RBM3: variants seen among roughly 807,000 people sequenced by gnomAD.
RBM3 encodes the protein RNA-binding protein 3.
A neutral mutation model predicts 12.0 loss-of-function variants in RBM3; 3 were observed. The observed-to-expected ratio is 0.25, with a 90% confidence interval of 0.11 to 0.65. The LOEUF (loss-of-function observed/expected upper bound fraction) is 0.65, where lower values mean the gene tolerates loss of function less well. Among genes scored for constraint, RBM3 ranks in the 30% least tolerant of loss-of-function variants. RBM3 has a pLI of 0.84. For synonymous variants in RBM3, 58 were observed against 45.7 expected, an observed-to-expected ratio of 1.27 and a Z score of -1.08; for missense variants, 108 against 134.5, an observed-to-expected ratio of 0.80 and a Z score of 0.97.
In RBM3 at chrX:48,577,861, C is replaced by T. The variant is rs1225657051; in HGVS notation, c.*420C>T. 7.6e-6 allele frequency: 1 copy of T among 131,732 alleles called. No homozygotes were observed. The highest frequency in any genetic ancestry group is 8.7e-5 in the Admixed American group (1 of 11,456). The allele number at this position is 131,732 out of a possible 1,213,427, so 10.9% of individuals were successfully genotyped here. On this transcript the variant is annotated 3_prime_UTR_variant, in exon 7 of 7. Transcript: ENST00000376759. ...GGTTAGGAAGCAATTTCCCAATGTA[C>T]CTATAAGAAATGTGCATCAAGCCAG... is the stretch of plus-strand genomic sequence containing the variant.
In RBM3 at chrX:48,579,683, A is replaced by C. The variant is rs2062095012; in HGVS notation, c.*2242A>C. On this transcript the variant is annotated 3_prime_UTR_variant, in exon 7 of 7. Transcript: ENST00000376759. ...CTGCTCCCTGTCTCTCAGGATGGCA[A>C]TGTACCTCTCACCCCCAGTGTCAGC... 8.9e-6 allele frequency: 1 copy of C among 111,846 alleles called. No homozygotes were observed. The highest frequency in any genetic ancestry group is 3.3e-5 in the African/African-American group (1 of 30,764). The allele number at this position is 111,846 out of a possible 1,213,427, so 9.2% of individuals were successfully genotyped here. A position where few individuals can be genotyped will look rare whatever the true frequency, so the allele number is the denominator to read the frequency against.
In RBM3 at chrX:48,580,662, G is replaced by A. The variant is rs1378228503; in HGVS notation, c.*3221G>A. ...ACCCGCCTCGGCCTCCCAAAGTGCT[G>A]GGATTACAGGCGTGAGCCACCACAC... On this transcript the variant is annotated 3_prime_UTR_variant, in exon 7 of 7. Coordinates refer to ENST00000376759, the MANE Select transcript of RBM3 (RefSeq NM_006743.5). 1 of 112,234 alleles carries A rather than the reference G, an allele frequency of 8.9e-6. No homozygotes were observed. Among genetic ancestry groups the A allele is most frequent in the Non-Finnish European group, 1.9e-5 (1 of 53,388 alleles). 9.2% of individuals were successfully genotyped at this position (112,234 alleles called of 1,213,427 possible).
chrX:48,575,233 A>G lies in RBM3; in HGVS notation c.53A>G (p.Asp18Gly). 2 of 1,210,190 alleles carry G rather than the reference A, an allele frequency of 1.7e-6. No homozygotes were observed. Among genetic ancestry groups the G allele is most frequent in the Non-Finnish European group, 2.2e-6 (2 of 894,951 alleles). The change falls in exon 2 of 7, where the codon GAC (aspartate) becomes GGC (glycine). Residue 18 changes from aspartate to glycine, a missense_variant. Physicochemically the swap from Asp to Gly is moderately conservative, Grantham distance 94 (BLOSUM62 -1). This residue lies in a region of RBM3 where 43 missense variants were observed against 79.6 expected (regional missense o/e 0.54). Coordinates refer to ENST00000376759, the MANE Select transcript of RBM3 (RefSeq NM_006743.5). ...GTGGGAGGGCTCAACTTTAACACCG[A>G]CGAGCAGGCACTGGAAGACCACTTC... ...LFVGGLNFNT[D>G]EQALEDHFSS...
At chrX:48,574,695 GGGAC>G (rs1210853210) in intron 1 of RBM3, 122 bp downstream of exon 1, 1 of 330,083 alleles carries the variant, frequency 3.0e-6, no homozygotes, top group Non-Finnish European at 5.9e-6. Context: ...GGCTTTCTCT[GGGAC>G]GGGCGGGTCC....
chrX:48,577,409 ATGTTGTCAGC>A (rs782368149), intron 6 of RBM3, 46 bp from the exon 7 acceptor site: 2 of 886,376 alleles, frequency 2.3e-6, no homozygotes, highest in African/African-American at 4.0e-5. Flanking sequence ...GGAGGTGAGC[ATGTTGTCAGC>A]TGTTACTTCA....
chrX:48,577,566 A>T lies in RBM3; in HGVS notation c.*125A>T. On this transcript the variant is annotated 3_prime_UTR_variant, in exon 7 of 7. Transcript: ENST00000376759. ...GAAGCATCTTATTTTATAGTATATC[A>T]ACCTTTTGTTTTTAAATTGACCTGC... The T allele has an allele frequency of 1.2e-6, 1 of 831,825 alleles. No homozygotes were observed. The highest frequency in any genetic ancestry group is 2.3e-5 in the South Asian group (1 of 42,868). The allele number at this position is 831,825 out of a possible 1,213,427, so 68.6% of individuals were successfully genotyped here. A position where few individuals can be genotyped will look rare whatever the true frequency, so the allele number is the denominator to read the frequency against.
rs1218540169 is a variant in RBM3, at chrX:48,577,701, A to G, written c.*260A>G. 4.8e-6 allele frequency: 1 copy of G among 210,392 alleles called. No individual in the cohort carries two copies. Among genetic ancestry groups the G allele is most frequent in the East Asian group, 1.6e-4 (1 of 6,347 alleles). 17.3% of individuals were successfully genotyped at this position (210,392 alleles called of 1,213,427 possible). ...GTAGAACCTGAGTATTTTTCTTTTT[A>G]CCAGTTTTTTAGTTTGAGCTCTTAG... On this transcript the variant is annotated 3_prime_UTR_variant, in exon 7 of 7. Transcript: ENST00000376759.
At position 48,580,465 on chromosome X, in the gene RBM3, C is replaced by T. The variant is rs573712628; in HGVS notation, c.*3024C>T. The stretch of plus-strand genomic sequence containing the variant: ...AGGCTGGAGTGCAGTGGCACAATCT[C>T]GGCTCACTGTACCCTCCGCCTCCCA... On this transcript the variant is annotated 3_prime_UTR_variant, in exon 7 of 7. Coordinates refer to ENST00000376759, the MANE Select transcript of RBM3 (RefSeq NM_006743.5). Among the ~76,000 whole-genome samples the T allele has an allele frequency of 5.7e-4, 64 of 111,454 alleles. No homozygotes were observed. The highest frequency in any genetic ancestry group is 1.8e-3 in the African/African-American group (54 of 30,693).
rs1556988945 is a variant in RBM3, at chrX:48,575,163, C to G, written c.-13-5C>G. ...CTGCCACCATTCTTCATGTTCTTCC[C>G]ACAGGACTTGAACTGCCATGTCCTC... On this transcript the variant is annotated splice_polypyrimidine_tract_variant and splice_region_variant and intron_variant, in intron 1 of 6. Coordinates refer to ENST00000376759, the MANE Select transcript of RBM3 (RefSeq NM_006743.5). The G allele has an allele frequency of 8.5e-7, 1 of 1,169,595 alleles. No individual in the cohort carries two copies. Among genetic ancestry groups the G allele is most frequent in the Non-Finnish European group, 1.2e-6 (1 of 861,005 alleles).
At position 48,576,340 on chromosome X, in the gene RBM3, G is replaced by GCA; in HGVS notation, c.237_238insCA (p.Asp80GlnfsTer119). 8.3e-7 allele frequency: 1 copy of GCA among 1,210,526 alleles called. No individual in the cohort carries two copies. Among genetic ancestry groups the GCA allele is most frequent in the Non-Finnish European group, 1.1e-6 (1 of 895,075 alleles). Reference sequence around the variant, plus strand: ...CTCTGGATGGTCGTCAGATCCGTGTGGATCATGCAGGCAAGTCTGCTCGGG... The same window carrying GCA: ...CTCTGGATGGTCGTCAGATCCGTGTGCAGATCATGCAGGCAAGTCTGCTCGGG... On this transcript the variant is annotated frameshift_variant, in exon 4 of 7. Transcript: ENST00000376759. LOFTEE classifies it high-confidence loss of function.
rs1333374046 is a variant in RBM3 at position 48,580,558 on chromosome X, G to A, written c.*3117G>A. Among the ~76,000 whole-genome samples the A allele has an allele frequency of 3.6e-5, 4 of 111,153 alleles. No individual in the cohort carries two copies. The highest frequency in any genetic ancestry group is 7.5e-5 in the Non-Finnish European group (4 of 53,040). The stretch of plus-strand genomic sequence containing the variant: ...ATTACAGGTGCCTGCCACCACGCCC[G>A]GCTAATTTTTGTATTAATAGAGACA... On this transcript the variant is annotated 3_prime_UTR_variant, in exon 7 of 7. Coordinates refer to ENST00000376759, the MANE Select transcript of RBM3 (RefSeq NM_006743.5).
rs2062089754 is a variant in RBM3, at chrX:48,578,257, C to T, written c.*816C>T. On this transcript the variant is annotated 3_prime_UTR_variant, in exon 7 of 7. Coordinates refer to ENST00000376759, the MANE Select transcript of RBM3 (RefSeq NM_006743.5). ...CATACAGTGCTTAGGATGTCTTTCA[C>T]AGAGCTTATTAAAAAGATGAAACCT... 1 of 109,643 alleles carries T rather than the reference C, an allele frequency of 9.1e-6. No homozygotes were observed. Among genetic ancestry groups the T allele is most frequent in the African/African-American group, 3.3e-5 (1 of 30,132 alleles). 9.0% of individuals were successfully genotyped at this position (109,643 alleles called of 1,213,427 possible). A position where few individuals can be genotyped will look rare whatever the true frequency, so the allele number is the denominator to read the frequency against.
chrX:48,577,442 T>G (rs1556989593), intron 6 of RBM3, 23 bp from the exon 7 acceptor site: 1 of 991,582 alleles, frequency 1.0e-6, no homozygotes, highest in Non-Finnish European at 1.4e-6. Flanking sequence ...ACATCACAAT[T>G]CTCCCCCTCT....
At position 48,578,188 on chromosome X, in the gene RBM3, CTTTTT is replaced by C. The variant is rs1196687851; in HGVS notation, c.*754_*758del. 9.6e-6 allele frequency: 1 copy of C among 104,554 alleles called. No individual in the cohort carries two copies. The highest frequency in any genetic ancestry group is 3.5e-5 in the African/African-American group (1 of 28,984). The allele number at this position is 104,554 out of a possible 1,213,427, so 8.6% of individuals were successfully genotyped here. A position where few individuals can be genotyped will look rare whatever the true frequency, so the allele number is the denominator to read the frequency against. ...TTGGCTTTAAAATGTTTGCAAATGTCTTTTTTTTTTTAATACTGGAAGAAAAAATA... is the reference window on the plus strand; with the variant it reads ...TTGGCTTTAAAATGTTTGCAAATGTCTTTTTTAATACTGGAAGAAAAAATA... On this transcript the variant is annotated 3_prime_UTR_variant, in exon 7 of 7. Coordinates refer to ENST00000376759, the MANE Select transcript of RBM3 (RefSeq NM_006743.5).
chrX:48,576,563 GTATGGA>G lies in RBM3; in HGVS notation c.385_390del (p.Tyr129_Gly130del), dbSNP rs1569485634. On this transcript the variant is annotated inframe_deletion, in exon 5 of 7. Coordinates refer to ENST00000376759, the MANE Select transcript of RBM3 (RefSeq NM_006743.5). ...GGTATTATGACAGTCGACCTGGAGG[GTATGGA>G]TATGGATATGGACGTTCCAGAGACT... 1 of 1,183,420 alleles carries G rather than the reference GTATGGA, an allele frequency of 8.5e-7. No individual in the cohort carries two copies. Among genetic ancestry groups the G allele is most frequent in the Non-Finnish European group, 1.1e-6 (1 of 880,806 alleles).
rs1052341176 is a variant in RBM3, at chrX:48,578,615, T to C, written c.*1174T>C. On this transcript the variant is annotated 3_prime_UTR_variant, in exon 7 of 7. Coordinates refer to ENST00000376759, the MANE Select transcript of RBM3 (RefSeq NM_006743.5). ...ATCAACGAGAGGGAGGCTTGGAGAA[T>C]ATTTGGTTGGTGGGTGGGCAGGGAC... 9.1e-6 allele frequency: 1 copy of C among 109,700 alleles called. No individual in the cohort carries two copies. Among genetic ancestry groups the C allele is most frequent in the East Asian group, 2.8e-4 (1 of 3,537 alleles). 9.0% of individuals were successfully genotyped at this position (109,700 alleles called of 1,213,427 possible). A position where few individuals can be genotyped will look rare whatever the true frequency, so the allele number is the denominator to read the frequency against.
In RBM3 at chrX:48,575,161, C is replaced by T; in HGVS notation, c.-13-7C>T. On this transcript the variant is annotated splice_polypyrimidine_tract_variant and splice_region_variant and intron_variant, in intron 1 of 6. Coordinates refer to ENST00000376759, the MANE Select transcript of RBM3 (RefSeq NM_006743.5). ...TCCTGCCACCATTCTTCATGTTCTT[C>T]CCACAGGACTTGAACTGCCATGTCC... 1 of 1,154,898 alleles carries T rather than the reference C, an allele frequency of 8.7e-7. No homozygotes were observed. Among genetic ancestry groups the T allele is most frequent in the Non-Finnish European group, 1.2e-6 (1 of 847,929 alleles).
At chrX:48,575,930 G>A in intron 3 of RBM3, 1 of 548,756 alleles carries the variant, frequency 1.8e-6, no homozygotes, top group Non-Finnish European at 2.9e-6. Context: ...AGGTAGTAGA[G>A]TCTGCAGACC....
chrX:48,574,769 A>T (rs1200011712), intron 1 of RBM3, 196 bp downstream of exon 1: 14 of 332,430 alleles, frequency 4.2e-5, no homozygotes, highest in Non-Finnish European at 8.2e-5. Flanking sequence ...TCTGAGTGTG[A>T]GGCCTACCGG....
Sources: gnomAD v4.1 joint callset for allele counts (sites outside exome capture counted in the v4.1 genomes callset) on GRCh38, gnomAD v4.1.1 for gene constraint, gnomAD v4.1.1 regional missense constraint, MANE v1.5 for transcripts, NCBI Gene and HGNC (gene_info 2026-07-23, HGNC 2026-07-21) for gene names.